The following SORCS3 variants were observed in gnomAD, a reference collection of about 807,000 sequenced individuals.
The protein encoded by SORCS3 is VPS10 domain-containing receptor SorCS3.
SORCS3 carries 57 observed loss-of-function variants against 146.3 expected under a neutral mutation model. That is an observed-to-expected ratio of 0.39 (90% confidence interval 0.31 to 0.49). SORCS3 has a LOEUF of 0.49. Ranked by LOEUF, SORCS3 falls within the 20% of genes least tolerant of loss-of-function variation. The probability of loss-of-function intolerance (pLI) is 0.92; values close to 1 mark genes in which losing one functional copy is unlikely to be tolerated. For missense variants in SORCS3, 1,341 were observed against 1,575.5 expected, an observed-to-expected ratio of 0.85 and a Z score of 2.52; for synonymous variants, 653 against 618.5, an observed-to-expected ratio of 1.06 and a Z score of -0.83.
intron 3 of SORCS3, among the ~76,000 whole-genome samples, chr10:104,970,850 G>C (rs1017991564): frequency 1.4e-5 from 2 of 147,232 alleles, no homozygotes; most frequent in African/African-American, 5.4e-5. Context: ...ATATGCTCTG[G>C]GTAACATTGA....
In SORCS3 at chr10:104,757,278, G is replaced by A. The variant is rs1312159501; in HGVS notation, c.628-85514G>A. 2.0e-5 allele frequency among the ~76,000 whole-genome samples: 3 copies of A among 152,078 alleles called. No homozygotes were observed. The East Asian group carries it at 5.8e-4, about 29-fold the overall frequency. ...CCTTGGCTTTCTTGGCAAAGCAAAGGCATTGGCCTTTTGGCTTCTGCTGGT... is the reference window on the plus strand; with the variant it reads ...CCTTGGCTTTCTTGGCAAAGCAAAGACATTGGCCTTTTGGCTTCTGCTGGT... On this transcript the variant is annotated intron_variant, in intron 1 of 26. Transcript: ENST00000369701.
chr10:104,672,812 C>G (rs2015870473), intron 1 of SORCS3, among the ~76,000 whole-genome samples: 1 of 151,922 alleles, frequency 6.6e-6, no homozygotes, highest in African/African-American at 2.4e-5. Flanking sequence ...CTTTCATTTC[C>G]TTATATTTGG....
At chr10:105,168,890 G>A (rs754058805) in intron 13 of SORCS3, among the ~76,000 whole-genome samples, 4 of 152,128 alleles carry the variant, frequency 2.6e-5, no homozygotes, top group Non-Finnish European at 5.9e-5. Flanking sequence ...TGTAAGAGGA[G>A]CGCTCTCCCA....
intron 2 of SORCS3, among the ~76,000 whole-genome samples, chr10:104,903,989 G>A (rs2018878652): frequency 6.6e-6 from 1 of 151,936 alleles, no homozygotes; most frequent in African/African-American, 2.4e-5. Context: ...CATGTAACAG[G>A]GTTATTGTTA....
chr10:104,938,415 C>A (rs932945590), intron 3 of SORCS3, among the ~76,000 whole-genome samples: 8 of 152,184 alleles, frequency 5.3e-5, no homozygotes, highest in African/African-American at 1.9e-4. Context: ...GTTAAAGCTC[C>A]TTCGTAATGT....
intron 1 of SORCS3, among the ~76,000 whole-genome samples, chr10:104,826,202 T>A (rs1321448238): frequency 6.6e-6 from 1 of 152,192 alleles, no homozygotes; most frequent in Non-Finnish European, 1.5e-5. Context: ...GTAATACACA[T>A]CAAGCATCAA....
intron 4 of SORCS3, among the ~76,000 whole-genome samples, chr10:105,004,095 C>T (rs2055078847): frequency 1.3e-5 from 2 of 148,730 alleles, no homozygotes; most frequent in South Asian, 4.2e-4. Context: ...GTTTTTGTTC[C>T]ATTGATTTTT....
At chr10:105,126,374 C>A (rs1408574115) in intron 7 of SORCS3, among the ~76,000 whole-genome samples, 1 of 152,126 alleles carries the variant, frequency 6.6e-6, no homozygotes, top group African/African-American at 2.4e-5. Flanking sequence ...AAGTTCCCTC[C>A]CTACCTTTTC....
intron 5 of SORCS3, among the ~76,000 whole-genome samples, chr10:105,047,338 G>C (rs1255162993): frequency 1.3e-5 from 2 of 152,072 alleles, no homozygotes; most frequent in South Asian, 2.1e-4. Context: ...GCATTCACTT[G>C]TATGGTATCC....
intron 3 of SORCS3, among the ~76,000 whole-genome samples, chr10:104,931,065 C>T (rs2019201481): frequency 6.6e-6 from 1 of 152,138 alleles, no homozygotes; most frequent in Non-Finnish European, 1.5e-5. Flanking sequence ...AATTATTGCT[C>T]TTATTCAGGC....
chr10:104,977,592 C>T, intron 4 of SORCS3, 99 bp downstream of exon 4: 4 of 1,147,804 alleles, frequency 3.5e-6, no homozygotes, highest in Non-Finnish European at 4.8e-6. Context: ...AATTCAGTGA[C>T]ATTTCATCAT....
At chr10:104,731,867 G>A (rs2016710224) in intron 1 of SORCS3, among the ~76,000 whole-genome samples, 1 of 152,148 alleles carries the variant, frequency 6.6e-6, no homozygotes, top group African/African-American at 2.4e-5. Flanking sequence ...ATTCATCTCT[G>A]GTTGTTTCAT....
chr10:105,214,286 CTG>C (rs2056651615), intron 17 of SORCS3, among the ~76,000 whole-genome samples, 154 bp from the exon 18 acceptor site: 1 of 152,160 alleles, frequency 6.6e-6, no homozygotes, highest in South Asian at 2.1e-4. Flanking sequence ...TCGTAAATGA[CTG>C]TCTTTTTGAG....
intron 4 of SORCS3, among the ~76,000 whole-genome samples, chr10:105,007,099 TC>T (rs1331925336): frequency 1.3e-5 from 2 of 152,134 alleles, no homozygotes; most frequent in African/African-American, 4.8e-5. Flanking sequence ...GAAAGCTCCT[TC>T]CCCAAAGAAG....
At chr10:104,903,137 C>T (rs1253236788) in intron 2 of SORCS3, among the ~76,000 whole-genome samples, 1 of 152,188 alleles carries the variant, frequency 6.6e-6, no homozygotes, top group Non-Finnish European at 1.5e-5. Flanking sequence ...CACTTAACGT[C>T]TCCGAGTCTG....
At chr10:104,756,147 A>C (rs977406364) in intron 1 of SORCS3, among the ~76,000 whole-genome samples, 1 of 152,172 alleles carries the variant, frequency 6.6e-6, no homozygotes, top group Non-Finnish European at 1.5e-5. Flanking sequence ...GCCTCGCAAC[A>C]CTATTATTAG....
chr10:104,980,839 A>G (rs1261350257), intron 4 of SORCS3, among the ~76,000 whole-genome samples: 1 of 152,232 alleles, frequency 6.6e-6, no homozygotes, highest in African/African-American at 2.4e-5. Context: ...CTCACTCAGT[A>G]AAGGCACTGC....
At chr10:104,725,685 C>A (rs2016620409) in intron 1 of SORCS3, among the ~76,000 whole-genome samples, 1 of 152,260 alleles carries the variant, frequency 6.6e-6, no homozygotes, top group Non-Finnish European at 1.5e-5. Context: ...GCGGGTGACC[C>A]TCCCCCAGCC....
At chr10:104,791,766 C>A (rs1008428495) in intron 1 of SORCS3, among the ~76,000 whole-genome samples, 2 of 152,110 alleles carry the variant, frequency 1.3e-5, no homozygotes, top group Non-Finnish European at 2.9e-5. Context: ...CTGAGATGGT[C>A]TAGAGCTGGA....
Sources: allele counts gnomAD v4.1 joint callset (sites outside exome capture counted in the v4.1 genomes callset), GRCh38; gene constraint gnomAD v4.1.1; transcripts MANE v1.5; gene names NCBI Gene and HGNC (gene_info 2026-07-23, HGNC 2026-07-21).